CUEDC1: variants seen among roughly 807,000 people sequenced by gnomAD.
CUEDC1 encodes CUE domain containing 1, also known as CUE domain-containing protein 1.
In CUEDC1, 30 loss-of-function variants were observed where a neutral mutation model predicts 43.7. That is an observed-to-expected ratio of 0.69 (90% CI 0.51 to 0.93). The LOEUF is 0.93. Ranked by LOEUF, CUEDC1 falls within the 40% of genes least tolerant of loss-of-function variation. The pLI, the probability that CUEDC1 is intolerant of heterozygous loss-of-function variation, is 0.00. For synonymous variants in CUEDC1, 223 were observed against 223.6 expected (o/e 1.00, Z 0.02); for missense variants, 486 against 549.0 (o/e 0.89, Z 1.15).
intron 1 of CUEDC1, among the ~76,000 whole-genome samples, chr17:57,926,904 G>A (rs955445034): frequency 3.9e-5 from 6 of 152,174 alleles, no homozygotes; most frequent in Admixed American, 1.3e-4. Context: ...ACCAAAGCGG[G>A]AAAGGAATGA....
chr17:57,942,152 G>A (rs1481034762), intron 1 of CUEDC1, among the ~76,000 whole-genome samples: 2 of 152,068 alleles, frequency 1.3e-5, no homozygotes, highest in Non-Finnish European at 2.9e-5. Context: ...ATGTGCTCCC[G>A]GCCTCCCGGC....
intron 1 of CUEDC1, among the ~76,000 whole-genome samples, chr17:57,946,910 A>G (rs1480290064): frequency 6.6e-6 from 1 of 152,034 alleles, no homozygotes; most frequent in Non-Finnish European, 1.5e-5. Flanking sequence ...TCTGCTCAAC[A>G]CAGGAGTTCC....
At chr17:57,875,867 A>G (rs2074116409) in intron 3 of CUEDC1, among the ~76,000 whole-genome samples, 1 of 152,156 alleles carries the variant, frequency 6.6e-6, no homozygotes, top group African/African-American at 2.4e-5. Context: ...AATTTTTGGT[A>G]AGAACTGGAC....
intron 1 of CUEDC1, among the ~76,000 whole-genome samples, chr17:57,904,192 A>T (rs948360747): frequency 6.6e-6 from 1 of 151,980 alleles, no homozygotes; most frequent in African/African-American, 2.4e-5. Flanking sequence ...TTGCCAAAAG[A>T]TGGCATCTCT....
intron 7 of CUEDC1, 142 bp downstream of exon 7, chr17:57,868,980 G>A: frequency 1.3e-6 from 1 of 788,052 alleles, no homozygotes; most frequent in African/African-American, 1.7e-5. Context: ...AAGGCTGAGG[G>A]AGCCAGCCTG....
rs1300685805 is a variant in CUEDC1, at chr17:57,861,955, C to A, written c.*1334G>T. 6.6e-6 allele frequency: 1 copy of A among 152,256 alleles called. No homozygotes were observed. Among genetic ancestry groups the A allele is most frequent in the African/African-American group, 2.4e-5 (1 of 41,472 alleles). The allele number at this position is 152,256 out of a possible 1,614,324, so 9.4% of individuals were successfully genotyped here. On this transcript the variant is annotated 3_prime_UTR_variant, in exon 11 of 11. Coordinates refer to ENST00000577830, the MANE Select transcript of CUEDC1 (RefSeq NM_001271875.2). ...GGCGGCGGCTGCGCGTCCCGGCCCT[C>A]CCCAAGCTCGGCGTTGCGAGTCCGG... is the stretch of plus-strand genomic sequence containing the variant.
chr17:57,921,474 C>T (rs945780841), intron 1 of CUEDC1, among the ~76,000 whole-genome samples: 7 of 152,168 alleles, frequency 4.6e-5, no homozygotes, highest in East Asian at 1.9e-4. Context: ...ATTTAGATTC[C>T]GTGGGAGCCT....
chr17:57,888,663 G>A (rs527648616), intron 1 of CUEDC1, among the ~76,000 whole-genome samples: 159 of 152,342 alleles, frequency 1.0e-3, no homozygotes, highest in Non-Finnish European at 1.4e-3. Context: ...CACCCTGACA[G>A]CTGCCTTTGT....
intron 1 of CUEDC1, among the ~76,000 whole-genome samples, chr17:57,946,207 C>T (rs1428057875): frequency 6.6e-6 from 1 of 152,164 alleles, no homozygotes; most frequent in Non-Finnish European, 1.5e-5. Flanking sequence ...GACCCACAAC[C>T]TCAGATTCCT....
chr17:57,925,118 TAAA>T (rs11413908), intron 1 of CUEDC1, among the ~76,000 whole-genome samples: 2 of 142,948 alleles, frequency 1.4e-5, no homozygotes. Context: ...TTGTGCACAT[TAAA>T]AAAAAAAAAA....
Position 57,926,450 on chromosome 17 carries a change from AACATTT to A in CUEDC1, c.-316+28769_-316+28774del, listed in dbSNP as rs2074748218. 3.9e-5 allele frequency among the ~76,000 whole-genome samples: 6 copies of A among 152,106 alleles called. No homozygotes were observed. In the South Asian group the frequency reaches 1.0e-3, roughly 26 times the overall value. Reference sequence around the variant, plus strand: ...ATTCCCATCCTAGATACTACATCAAAACATTTACAGATCGGTGAGAAATGTATGGGA... The same window carrying A: ...ATTCCCATCCTAGATACTACATCAAAACAGATCGGTGAGAAATGTATGGGA... On this transcript the variant is annotated intron_variant, in intron 1 of 10. Transcript: ENST00000577830.
chr17:57,930,464 C>T lies in CUEDC1; in HGVS notation c.-316+24761G>A, dbSNP rs553154905. On this transcript the variant is annotated intron_variant, in intron 1 of 10. Coordinates refer to ENST00000577830, the MANE Select transcript of CUEDC1 (RefSeq NM_001271875.2). This position sits in a 1 kb window ranked among gnomAD's most constrained non-coding sequence, Gnocchi z 4.2. ...CTGAGTCAGAAACCAAAGCCCTCTC[C>T]GTCCCAGGGGTTTAACAGAAGGCAG... Among the ~76,000 whole-genome samples the T allele has an allele frequency of 2.6e-5, 4 of 152,354 alleles. No homozygotes were observed. The highest frequency in any genetic ancestry group is 1.9e-4 in the East Asian group (1 of 5,186).
chr17:57,916,509 CG>C (rs2143087304), intron 1 of CUEDC1, among the ~76,000 whole-genome samples: 1 of 152,296 alleles, frequency 6.6e-6, no homozygotes, highest in Admixed American at 6.5e-5. Flanking sequence ...GGAGATGCGA[CG>C]GGGAAGCAAA....
chr17:57,911,957 G>A (rs2074587856), intron 1 of CUEDC1, among the ~76,000 whole-genome samples: 1 of 152,158 alleles, frequency 6.6e-6, no homozygotes, highest in Non-Finnish European at 1.5e-5. Context: ...TTATTCACTC[G>A]CTCATTCACT....
chr17:57,948,486 G>C (rs2143239858), intron 1 of CUEDC1, among the ~76,000 whole-genome samples: 1 of 152,304 alleles, frequency 6.6e-6, no homozygotes, highest in East Asian at 1.9e-4. Flanking sequence ...GAGCTGCTCA[G>C]TGTTATCGGG....
intron 6 of CUEDC1, chr17:57,870,076 G>C (rs1444974101): frequency 2.6e-5 from 4 of 152,608 alleles, no homozygotes; most frequent in Non-Finnish European, 5.9e-5. Context: ...TTCAAGCTGG[G>C]ATCAGCTCAG....
chr17:57,920,848 G>A (rs2074691729), intron 1 of CUEDC1, among the ~76,000 whole-genome samples: 1 of 151,986 alleles, frequency 6.6e-6, no homozygotes, highest in Admixed American at 6.6e-5. Context: ...TGTTGGCCAG[G>A]CCAGTCTTGA....
Position 57,919,285 on chromosome 17 carries a change from T to C in CUEDC1, c.-315-33406A>G, listed in dbSNP as rs566694267. Among the ~76,000 whole-genome samples, 20 of 152,198 alleles carry C rather than the reference T, an allele frequency of 1.3e-4. 1 individual carries two copies. The South Asian group carries it at 4.2e-3, about 32-fold the overall frequency. The stretch of plus-strand genomic sequence containing the variant: ...ACCTCCGCCTCCCGGGTTCGAGCAA[T>C]TCTCCTGCCTCAGCCTCCCAAGTAG... On this transcript the variant is annotated intron_variant, in intron 1 of 10. Coordinates refer to ENST00000577830, the MANE Select transcript of CUEDC1 (RefSeq NM_001271875.2).
chr17:57,915,295 A>T (rs1567716030), intron 1 of CUEDC1, among the ~76,000 whole-genome samples: 1 of 140,848 alleles, frequency 7.1e-6, no homozygotes, highest in Non-Finnish European at 1.5e-5. Context: ...CCCACTCTGC[A>T]GGCAGGAGAC....
Sources: allele counts gnomAD v4.1 joint callset (sites outside exome capture counted in the v4.1 genomes callset), GRCh38; gene constraint gnomAD v4.1.1; non-coding constraint Gnocchi (gnomAD v3.1); transcripts MANE v1.5; gene names NCBI Gene and HGNC (gene_info 2026-07-23, HGNC 2026-07-21).